Variants in PTPRD observed in about 807,000 individuals in gnomAD.
The protein encoded by PTPRD is receptor-type tyrosine-protein phosphatase delta.
In PTPRD, 34 loss-of-function variants were observed where a neutral mutation model predicts 214.5. The observed-to-expected ratio is 0.16, with a 90% CI of 0.12 to 0.21. The LOEUF (loss-of-function observed/expected upper bound fraction) is 0.21, where lower values mean the gene tolerates loss of function less well. Among genes scored for constraint, PTPRD ranks in the 10% least tolerant of loss-of-function variants. The pLI is 1.00. For missense variants in PTPRD, 2,545 were observed against 2,398.7 expected (o/e 1.06, Z -1.27); for synonymous variants, 1,128 against 845.7 (o/e 1.33, Z -5.79).
chr9:9,068,897 A>G (rs529213567), intron 10 of PTPRD, among the ~76,000 whole-genome samples: 25 of 152,300 alleles, frequency 1.6e-4, no homozygotes, highest in African/African-American at 5.8e-4. Flanking sequence ...GGTGTGAGGC[A>G]CGGCTCTCGG....
At chr9:9,873,490 T>A (rs2066031818) in intron 5 of PTPRD, among the ~76,000 whole-genome samples, 1 of 151,824 alleles carries the variant, frequency 6.6e-6, no homozygotes. Flanking sequence ...ATAAGGGCAG[T>A]TAATAAGAGG....
chr9:9,771,029 G>C (rs1353302742), intron 5 of PTPRD, among the ~76,000 whole-genome samples: 1 of 152,144 alleles, frequency 6.6e-6, no homozygotes, highest in Non-Finnish European at 1.5e-5. Context: ...GCAGATGGAA[G>C]TCAACAATTA....
intron 2 of PTPRD, among the ~76,000 whole-genome samples, chr9:10,595,760 G>C (rs2076488837): frequency 6.6e-6 from 1 of 151,670 alleles, no homozygotes; most frequent in African/African-American, 2.4e-5. Context: ...CTTTCTGTAA[G>C]CTCTAACACT....
chr9:10,550,312 T>G (rs547420429), intron 2 of PTPRD, among the ~76,000 whole-genome samples: 1 of 152,328 alleles, frequency 6.6e-6, no homozygotes, highest in South Asian at 2.1e-4. Context: ...AGGATACATG[T>G]ACAGGTTTGC....
intron 7 of PTPRD, among the ~76,000 whole-genome samples, chr9:9,709,693 G>A (rs985521955): frequency 3.3e-5 from 5 of 152,072 alleles, no homozygotes; most frequent in African/African-American, 1.2e-4. Context: ...TTATCAGAAG[G>A]AAAAATTTAA....
At chr9:10,609,815 C>G (rs2080476400) in intron 2 of PTPRD, among the ~76,000 whole-genome samples, 2 of 152,034 alleles carry the variant, frequency 1.3e-5, no homozygotes, top group Admixed American at 1.3e-4. Context: ...AAATATAAGA[C>G]CATGTGGTCA....
At position 10,578,700 on chromosome 9, in the gene PTPRD, G is replaced by A. The variant is rs550441712; in HGVS notation, c.-600+33698C>T. On this transcript the variant is annotated intron_variant, in intron 2 of 45. Transcript: ENST00000381196. ...TGAATCAGTAACACACTACAGCATT[G>A]CCACTTTCGTTCATATTAGTTTTTT... Among the ~76,000 whole-genome samples the A allele has an allele frequency of 6.6e-5, 10 of 152,170 alleles. No homozygotes were observed. The South Asian group carries it at 1.7e-3, about 25-fold the overall frequency.
intron 2 of PTPRD, among the ~76,000 whole-genome samples, chr9:10,584,098 T>C (rs563929193): frequency 1.3e-5 from 2 of 152,122 alleles, no homozygotes; most frequent in African/African-American, 2.4e-5. Context: ...AGATGAATGC[T>C]TGTGTGTTGG....
intron 3 of PTPRD, among the ~76,000 whole-genome samples, chr9:10,204,187 A>G (rs1016684642): frequency 8.6e-5 from 13 of 151,908 alleles, no homozygotes. Context: ...GCCTTTCCCA[A>G]TTACTCCATT....
chr9:8,651,901 T>G (rs2096819712), intron 12 of PTPRD, among the ~76,000 whole-genome samples: 1 of 152,202 alleles, frequency 6.6e-6, no homozygotes, highest in South Asian at 2.1e-4. Flanking sequence ...GAAACAATTT[T>G]CAGTTGGATT....
At chr9:10,327,356 G>A (rs1188691995) in intron 3 of PTPRD, among the ~76,000 whole-genome samples, 4 of 151,334 alleles carry the variant, frequency 2.6e-5, no homozygotes, top group Non-Finnish European at 5.9e-5. Context: ...CATTTGTTGG[G>A]CTAACATAAG....
Position 8,521,140 on chromosome 9 carries a change from G to T in PTPRD, c.961+137C>A. ...CTTATGCATGTTATATAATACCACAGATATGATTAGGTTATACACACATTT... is the reference window on the plus strand; with the variant it reads ...CTTATGCATGTTATATAATACCACATATATGATTAGGTTATACACACATTT... On this transcript the variant is annotated intron_variant, in intron 20 of 45. Transcript: ENST00000381196. 4.8e-6 allele frequency: 5 copies of T among 1,048,192 alleles called. No homozygotes were observed. In the Middle Eastern group the frequency reaches 9.5e-4, roughly 200 times the overall value. The allele number at this position is 1,048,192 out of a possible 1,614,324, so 64.9% of individuals were successfully genotyped here.
intron 2 of PTPRD, among the ~76,000 whole-genome samples, chr9:10,570,881 CTT>C (rs113757928): frequency 6.4e-5 from 9 of 140,810 alleles, no homozygotes; most frequent in African/African-American, 7.8e-5. Flanking sequence ...GGTGAGTCTT[CTT>C]TTTTTTTTTT....
chr9:10,034,831 A>C (rs1464512580), intron 3 of PTPRD, among the ~76,000 whole-genome samples: 1 of 152,038 alleles, frequency 6.6e-6, no homozygotes, highest in Non-Finnish European at 1.5e-5. Context: ...TCTATTATTG[A>C]TGGTCATTTA....
At chr9:10,527,781 A>T (rs12550954) in intron 2 of PTPRD, among the ~76,000 whole-genome samples, 2,236 of 152,228 alleles carry the variant, frequency 0.015, 165 homozygotes, top group Admixed American at 0.13. Flanking sequence ...ATATCAGCAG[A>T]TGGGATTTTT....
intron 3 of PTPRD, among the ~76,000 whole-genome samples, chr9:10,198,024 T>C (rs576549253): frequency 6.6e-6 from 1 of 152,164 alleles, no homozygotes; most frequent in Non-Finnish European, 1.5e-5. Context: ...AATTTAATCT[T>C]TTAAAATTGT....
chr9:8,540,302 C>A (rs1653924825), intron 14 of PTPRD, among the ~76,000 whole-genome samples: 2 of 151,882 alleles, frequency 1.3e-5, no homozygotes, highest in Admixed American at 1.3e-4. Context: ...TATTTGAGGC[C>A]CTCTTGAATA....
intron 2 of PTPRD, among the ~76,000 whole-genome samples, chr9:10,454,674 C>T (rs1405663978): frequency 6.6e-6 from 1 of 151,698 alleles, no homozygotes; most frequent in African/African-American, 2.4e-5. Context: ...ATTCTTTGTG[C>T]TTCAATTTTT....
rs191562291 is a variant in PTPRD at position 8,850,190 on chromosome 9, C to T, written c.-103-116244G>A. 2.6e-5 allele frequency among the ~76,000 whole-genome samples: 4 copies of T among 152,118 alleles called. No individual in the cohort carries two copies. The East Asian group carries it at 7.8e-4, about 30-fold the overall frequency. On this transcript the variant is annotated intron_variant, in intron 11 of 45. Transcript: ENST00000381196. ...ACAGGAGAGCCTCCCATTTCCCAGT[C>T]ATGTAACAAGCAGATAGAAATGCAC...
Sources: gnomAD v4.1 joint callset for allele counts (sites outside exome capture counted in the v4.1 genomes callset) on GRCh38, gnomAD v4.1.1 for gene constraint, MANE v1.5 for transcripts, NCBI Gene and HGNC (gene_info 2026-07-23, HGNC 2026-07-21) for gene names.